The following HCN1 variants were observed in gnomAD, a reference collection of about 807,000 sequenced individuals.
HCN1 encodes the protein hyperpolarization activated cyclic nucleotide gated potassium channel 1.
In HCN1, 13 loss-of-function variants were observed where a neutral mutation model predicts 78.9. That is an observed-to-expected ratio of 0.16 (90% CI 0.11 to 0.26). The LOEUF (loss-of-function observed/expected upper bound fraction) is 0.26. Among genes scored for constraint, HCN1 ranks in the 10% least tolerant of loss-of-function variants. The pLI, the probability that HCN1 is intolerant of heterozygous loss-of-function variation, is 1.00. For synonymous variants in HCN1, 552 were observed against 455.5 expected, an observed-to-expected ratio of 1.21 and a Z score of -2.70; for missense variants, 810 against 1,154.3, an observed-to-expected ratio of 0.70 and a Z score of 4.32.
chr5:45,316,962 T>C lies in HCN1; in HGVS notation c.1378-13123A>G, dbSNP rs984384915. 6.6e-5 allele frequency among the ~76,000 whole-genome samples: 10 copies of C among 152,224 alleles called. No homozygotes were observed. The East Asian group carries it at 1.2e-3, about 18-fold the overall frequency. On this transcript the variant is annotated intron_variant, in intron 5 of 7. Coordinates refer to ENST00000303230, the MANE Select transcript of HCN1 (RefSeq NM_021072.4). ...ATTCCATGCTCATGGATAGGAAGAA[T>C]CAATATTGTGTAAATGGCCATACTG...
intron 1 of HCN1, among the ~76,000 whole-genome samples, chr5:45,678,326 C>G (rs920941207): frequency 9.2e-5 from 14 of 151,856 alleles, no homozygotes; most frequent in African/African-American, 3.1e-4. Flanking sequence ...TTGTTTCTTG[C>G]TTTTCTCAGT....
chr5:45,385,085 C>T (rs957893744), intron 4 of HCN1, among the ~76,000 whole-genome samples: 5 of 152,072 alleles, frequency 3.3e-5, no homozygotes, highest in African/African-American at 9.7e-5. Context: ...TTTAAAATGT[C>T]GATATATGCT....
chr5:45,488,897 C>T (rs1218635532), intron 2 of HCN1, among the ~76,000 whole-genome samples: 1 of 152,140 alleles, frequency 6.6e-6, no homozygotes, highest in Non-Finnish European at 1.5e-5. Flanking sequence ...TCAAAGCTCA[C>T]CTGAAGGGCA....
At chr5:45,486,319 AG>A (rs891992696) in intron 2 of HCN1, among the ~76,000 whole-genome samples, 9 of 152,154 alleles carry the variant, frequency 5.9e-5, no homozygotes, top group African/African-American at 2.2e-4. Flanking sequence ...AAAGCCTCAA[AG>A]GTTGTGGAAA....
chr5:45,392,258 T>TA (rs1174503550), intron 4 of HCN1, among the ~76,000 whole-genome samples: 2 of 152,246 alleles, frequency 1.3e-5, no homozygotes, highest in Admixed American at 1.3e-4. Context: ...TAGGTTGATT[T>TA]AAAAAAATTA....
At chr5:45,386,421 C>T (rs1424553071) in intron 4 of HCN1, among the ~76,000 whole-genome samples, 2 of 152,098 alleles carry the variant, frequency 1.3e-5, no homozygotes, top group Non-Finnish European at 2.9e-5. Flanking sequence ...TCAAGCAATC[C>T]TCCTGCCTTG....
intron 3 of HCN1, among the ~76,000 whole-genome samples, chr5:45,448,687 C>A (rs1740847037): frequency 6.6e-6 from 1 of 152,166 alleles, no homozygotes; most frequent in Non-Finnish European, 1.5e-5. Context: ...CTTGTACTCT[C>A]AGCTACCTGA....
rs773590215 is a variant in HCN1, at chr5:45,461,954, G to A, written c.903C>T (p.Leu301=). The change falls in exon 3 of 8, where the codon CTC becomes CTT. Residue 301 remains leucine (L), a synonymous_variant. Transcript: ENST00000303230. Reference sequence around the variant, plus strand: ...GGCACAGGAGCAGCATCATGCCGATGAGATTAAAAATTCTCACCACTGCAC... The same window carrying A: ...GGCACAGGAGCAGCATCATGCCGATAAGATTAAAAATTCTCACCACTGCAC... The part of the protein sequence containing the change: ...LASAVVRIFN[L]IGMMLLLCHW... 3 of 1,613,270 alleles carry A rather than the reference G, an allele frequency of 1.9e-6. No individual in the cohort carries two copies. The South Asian group carries it at 3.3e-5, about 18-fold the overall frequency.
At chr5:45,363,915 G>A (rs373301560) in intron 4 of HCN1, among the ~76,000 whole-genome samples, 5 of 152,006 alleles carry the variant, frequency 3.3e-5, no homozygotes, top group Admixed American at 1.3e-4. Context: ...TATCAGCAGC[G>A]TAAAAATGGG....
At chr5:45,376,553 T>C (rs541894268) in intron 4 of HCN1, among the ~76,000 whole-genome samples, 17 of 151,234 alleles carry the variant, frequency 1.1e-4, no homozygotes, top group Non-Finnish European at 2.2e-4. Context: ...AAAACAATCT[T>C]CTAAAATTTA....
intron 2 of HCN1, among the ~76,000 whole-genome samples, chr5:45,628,029 A>C (rs1482707586): frequency 6.6e-6 from 1 of 152,218 alleles, no homozygotes; most frequent in Admixed American, 6.5e-5. Flanking sequence ...GCAAATAAAT[A>C]ATAATGGATT....
At chr5:45,275,237 C>T (rs1317359854) in intron 6 of HCN1, among the ~76,000 whole-genome samples, 2 of 148,350 alleles carry the variant, frequency 1.3e-5, no homozygotes, top group African/African-American at 5.0e-5. Context: ...TGGAGTGAGA[C>T]TCTGTCTCAG....
chr5:45,437,075 T>A (rs1740572411), intron 3 of HCN1, among the ~76,000 whole-genome samples: 1 of 152,170 alleles, frequency 6.6e-6, no homozygotes. Context: ...CAAGTCAGTA[T>A]CAGATTCGTT....
intron 5 of HCN1, among the ~76,000 whole-genome samples, chr5:45,309,839 T>C (rs996579392): frequency 1.3e-5 from 2 of 152,110 alleles, no homozygotes; most frequent in Non-Finnish European, 2.9e-5. Context: ...TTTTTTGTTG[T>C]TTCTTTGCCA....
At chr5:45,360,720 T>C (rs1241249046) in intron 4 of HCN1, among the ~76,000 whole-genome samples, 1 of 152,014 alleles carries the variant, frequency 6.6e-6, no homozygotes, top group Non-Finnish European at 1.5e-5. Context: ...AGTCATATAA[T>C]CATAAAAATA....
intron 3 of HCN1, among the ~76,000 whole-genome samples, chr5:45,407,835 G>A (rs952188365): frequency 2.6e-5 from 4 of 152,086 alleles, no homozygotes; most frequent in African/African-American, 7.2e-5. Flanking sequence ...TATCATAGGA[G>A]TTGACAACAT....
At chr5:45,499,905 G>T (rs1742153641) in intron 2 of HCN1, among the ~76,000 whole-genome samples, 1 of 151,962 alleles carries the variant, frequency 6.6e-6, no homozygotes, top group Admixed American at 6.6e-5. Context: ...TTTTTACTCA[G>T]ACCTATACAC....
rs112610619 is a variant in HCN1 at position 45,447,959 on chromosome 5, A to T, written c.1011+13887T>A. Among the ~76,000 whole-genome samples the T allele has an allele frequency of 9.0e-3, 1,362 of 151,902 alleles. 20 individuals carry two copies. Among genetic ancestry groups the T allele is most frequent in the African/African-American group, 0.031 (1,305 of 41,468 alleles). The stretch of plus-strand genomic sequence containing the variant: ...TTTCATTAAACTAGAGCTTTCTCTG[A>T]CCACGCAACACAAAAGAGAACATTT... On this transcript the variant is annotated intron_variant, in intron 3 of 7. Transcript: ENST00000303230.
At chr5:45,609,143 T>A (rs559820449) in intron 2 of HCN1, among the ~76,000 whole-genome samples, 1,781 of 152,154 alleles carry the variant, frequency 0.012, 35 homozygotes, top group African/African-American at 0.04. Flanking sequence ...ACTGTATCGA[T>A]TTCTTGGAAA....
Sources: gnomAD v4.1 joint callset for allele counts (sites outside exome capture counted in the v4.1 genomes callset) on GRCh38, gnomAD v4.1.1 for gene constraint, MANE v1.5 for transcripts, NCBI Gene and HGNC (gene_info 2026-07-23, HGNC 2026-07-21) for gene names.